Variants in ONECUT1 observed in about 807,000 individuals in gnomAD.
The protein encoded by ONECUT1 is hepatocyte nuclear factor 6.
Under a neutral mutation model 25.6 loss-of-function variants are expected in ONECUT1, and 12 were observed. That is an observed-to-expected ratio of 0.47 (90% CI 0.30 to 0.76). ONECUT1 has a LOEUF of 0.76. ONECUT1 is among the 30% of genes least tolerant of loss of function. ONECUT1 has a pLI of 0.07. For synonymous variants in ONECUT1, 285 were observed against 270.2 expected (o/e 1.05, Z -0.54); for missense variants, 620 against 651.2 (o/e 0.95, Z 0.52).
intron 1 of ONECUT1, among the ~76,000 whole-genome samples, chr15:52,775,277 T>A (rs1159082537): frequency 6.6e-6 from 1 of 151,910 alleles, no homozygotes; most frequent in Non-Finnish European, 1.5e-5. Context: ...AGAGGGGTGG[T>A]CACCCTGTAC....
chr15:52,774,915 A>G (rs2083789968), intron 1 of ONECUT1, among the ~76,000 whole-genome samples: 1 of 152,220 alleles, frequency 6.6e-6, no homozygotes, highest in Non-Finnish European at 1.5e-5. Flanking sequence ...CATCTTTCAC[A>G]CATTGAATTG....
At position 52,757,456 on chromosome 15, in the gene ONECUT1, A is replaced by G. The variant is rs138740702; in HGVS notation, c.*99T>C. 2,705 of 1,297,726 alleles carry G rather than the reference A, an allele frequency of 2.1e-3. 9 individuals are homozygous for G. Among genetic ancestry groups the G allele is most frequent in the Middle Eastern group, 5.4e-3 (27 of 5,004 alleles). The allele number at this position is 1,297,726 out of a possible 1,614,324, so 80.4% of individuals were successfully genotyped here. On this transcript the variant is annotated 3_prime_UTR_variant, in exon 2 of 2. Transcript: ENST00000305901. ...AAATAACGCTTTTTTTTCTTCAAAT[A>G]TTTCTAAGTATAAACCTGCTATCTT...
At chr15:52,762,356 G>T (rs972091782) in intron 1 of ONECUT1, among the ~76,000 whole-genome samples, 1 of 152,162 alleles carries the variant, frequency 6.6e-6, no homozygotes, top group South Asian at 2.1e-4. Context: ...ATTATATATT[G>T]CCTCTTCCTC....
intron 1 of ONECUT1, among the ~76,000 whole-genome samples, chr15:52,783,346 A>G (rs2141462581): frequency 6.6e-6 from 1 of 152,372 alleles, no homozygotes. Context: ...CGATTACCTC[A>G]GTGTGCCAGT....
intron 1 of ONECUT1, chr15:52,785,624 T>TTAA (rs1224297994): frequency 2.0e-5 from 3 of 152,234 alleles, no homozygotes; most frequent in Non-Finnish European, 4.4e-5. Context: ...TCTGGAATCT[T>TTAA]TAATTGGAAA....
rs1336482030 is a variant in ONECUT1 at position 52,790,060 on chromosome 15, CGTGTGCGTGT to C, written c.-186_-177del. ...CTCCGTGTGTGTGTGTCCGTGTGTGCGTGTGCGTGTGTGTGTGTGTGTGTGTCTCGCCTTC... is the reference window on the plus strand; with the variant it reads ...CTCCGTGTGTGTGTGTCCGTGTGTGCGTGTGTGTGTGTGTGTCTCGCCTTC... On this transcript the variant is annotated 5_prime_UTR_variant, in exon 1 of 2. Transcript: ENST00000305901. 2.1e-5 allele frequency: 20 copies of C among 960,822 alleles called. No individual in the cohort carries two copies. The African/African-American group carries it at 4.1e-4, about 20-fold the overall frequency. 59.5% of individuals were successfully genotyped at this position (960,822 alleles called of 1,614,324 possible). A position where few individuals can be genotyped will look rare whatever the true frequency, so the allele number is the denominator to read the frequency against.
At position 52,755,439 on chromosome 15, in the gene ONECUT1, T is replaced by G. The variant is rs959320843; in HGVS notation, c.*2116A>C. Among the ~76,000 whole-genome samples the G allele has an allele frequency of 6.6e-6, 1 of 152,150 alleles. No homozygotes were observed. Among genetic ancestry groups the G allele is most frequent in the Admixed American group, 6.5e-5 (1 of 15,278 alleles). ...TTTAAGCTGGAGTTGTGGGTGAAATTAAAAACAAAAAACAAAACATGTCAA... is the reference window on the plus strand; with the variant it reads ...TTTAAGCTGGAGTTGTGGGTGAAATGAAAAACAAAAAACAAAACATGTCAA... On this transcript the variant is annotated 3_prime_UTR_variant, in exon 2 of 2. Transcript: ENST00000305901.
At chr15:52,759,206 C>T (rs543489995) in intron 1 of ONECUT1, among the ~76,000 whole-genome samples, 1 of 152,304 alleles carries the variant, frequency 6.6e-6, no homozygotes, top group Admixed American at 6.5e-5. Context: ...CTGTTGCTGC[C>T]TTCCGCTTCA....
At chr15:52,778,669 G>A (rs1252716599) in intron 1 of ONECUT1, among the ~76,000 whole-genome samples, 1 of 152,216 alleles carries the variant, frequency 6.6e-6, no homozygotes, top group Non-Finnish European at 1.5e-5. Context: ...CTCCTGCCTG[G>A]ATAGGTTATT....
chr15:52,789,944 G>T lies in ONECUT1; in HGVS notation c.-60C>A. ...CGATGTGGCCAGGCAGAGGCGGCGA[G>T]GGGCGCACGGAGTCCGGTCTTCACA... On this transcript the variant is annotated 5_prime_UTR_variant, in exon 1 of 2. Coordinates refer to ENST00000305901, the MANE Select transcript of ONECUT1 (RefSeq NM_004498.4). This position sits in a 1 kb window ranked among gnomAD's most constrained non-coding sequence, Gnocchi z 4.1. 1 of 1,467,044 alleles carries T rather than the reference G, an allele frequency of 6.8e-7. No individual in the cohort carries two copies. Among genetic ancestry groups the T allele is most frequent in the Non-Finnish European group, 8.9e-7 (1 of 1,118,082 alleles). 90.9% of individuals were successfully genotyped at this position (1,467,044 alleles called of 1,614,324 possible). A position where few individuals can be genotyped will look rare whatever the true frequency, so the allele number is the denominator to read the frequency against.
intron 1 of ONECUT1, among the ~76,000 whole-genome samples, chr15:52,785,537 G>C (rs1303910048): frequency 1.3e-5 from 2 of 152,192 alleles, no homozygotes; most frequent in Admixed American, 1.3e-4. Flanking sequence ...CCCTGGGTCC[G>C]CGGTGCTGCG....
Position 52,789,956 on chromosome 15 carries a change from G to T in ONECUT1, c.-72C>A. Reference sequence around the variant, plus strand: ...GCAGAGGCGGCGAGGGGCGCACGGAGTCCGGTCTTCACATCGGCTGCTGGC... The same window carrying T: ...GCAGAGGCGGCGAGGGGCGCACGGATTCCGGTCTTCACATCGGCTGCTGGC... On this transcript the variant is annotated 5_prime_UTR_variant, in exon 1 of 2. Transcript: ENST00000305901. The surrounding 1 kb of genome is among the most constrained non-coding windows in gnomAD (Gnocchi z 4.1). The T allele has an allele frequency of 6.9e-7, 1 of 1,459,276 alleles. No homozygotes were observed. The highest frequency in any genetic ancestry group is 1.5e-5 in the African/African-American group (1 of 67,888). The allele number at this position is 1,459,276 out of a possible 1,614,324, so 90.4% of individuals were successfully genotyped here. A position where few individuals can be genotyped will look rare whatever the true frequency, so the allele number is the denominator to read the frequency against.
At chr15:52,760,667 G>A (rs1404348503) in intron 1 of ONECUT1, among the ~76,000 whole-genome samples, 1 of 152,140 alleles carries the variant, frequency 6.6e-6, no homozygotes, top group Non-Finnish European at 1.5e-5. Flanking sequence ...AGTATTAGTA[G>A]ATTGGTATTT....
chr15:52,780,140 G>A (rs979128741), intron 1 of ONECUT1, among the ~76,000 whole-genome samples: 4 of 152,096 alleles, frequency 2.6e-5, no homozygotes, highest in Admixed American at 6.5e-5. Context: ...GTTTAACAAC[G>A]TCTGCAGGCA....
rs2083860990 is a variant in ONECUT1 at position 52,784,464 on chromosome 15, C to T, written c.1105+4316G>A. Among the ~76,000 whole-genome samples, 1 of 152,314 alleles carries T rather than the reference C, an allele frequency of 6.6e-6. No homozygotes were observed. The highest frequency in any genetic ancestry group is 1.5e-5 in the Non-Finnish European group (1 of 68,020). ...GGCAGGCATCCTAGCTGCGCTGACACCAAGGTCGCCACACAATAGCCATCA... is the reference window on the plus strand; with the variant it reads ...GGCAGGCATCCTAGCTGCGCTGACATCAAGGTCGCCACACAATAGCCATCA... On this transcript the variant is annotated intron_variant, in intron 1 of 1. Transcript: ENST00000305901. The surrounding 1 kb of genome is among the most constrained non-coding windows in gnomAD (Gnocchi z 5.0).
rs1021286785 is a variant in ONECUT1, at chr15:52,755,446, A to G, written c.*2109T>C. Among the ~76,000 whole-genome samples, 1 of 152,222 alleles carries G rather than the reference A, an allele frequency of 6.6e-6. No individual in the cohort carries two copies. Among genetic ancestry groups the G allele is most frequent in the Admixed American group, 6.5e-5 (1 of 15,288 alleles). ...TGGAGTTGTGGGTGAAATTAAAAAC[A>G]AAAAACAAAACATGTCAAGGCAAAT... On this transcript the variant is annotated 3_prime_UTR_variant, in exon 2 of 2. Transcript: ENST00000305901.
At chr15:52,773,062 T>C (rs979956336) in intron 1 of ONECUT1, among the ~76,000 whole-genome samples, 26 of 152,298 alleles carry the variant, frequency 1.7e-4, no homozygotes, top group East Asian at 1.9e-4. Context: ...CAAGTGATGC[T>C]GGGGCGTGGG....
At chr15:52,774,264 T>C (rs1388610280) in intron 1 of ONECUT1, among the ~76,000 whole-genome samples, 1 of 151,200 alleles carries the variant, frequency 6.6e-6, no homozygotes, top group Non-Finnish European at 1.5e-5. Context: ...TATATAATAC[T>C]AATAATTTGC....
Position 52,757,573 on chromosome 15 carries a change from G to C in ONECUT1, c.1380C>G (p.Ser460Arg). Residue 460 changes from serine (S) to arginine (R), a missense_variant, in exon 2 of 2, where the codon AGC (serine) becomes AGG (arginine). By Grantham distance (110) the Ser-to-Arg change is moderately radical. Around this residue, in one of 4 missense-constraint regions of ONECUT1, gnomAD observed 30 missense variants for 25.1 expected, o/e 1.20. Transcript: ENST00000305901. ...TCTTCCTTCATGCTTTGGTACAAGT[G>C]CTTGATGAAGAAGATGAGTTGCCTG... is the stretch of plus-strand genomic sequence containing the variant. ...SNSGNSSSSS[S>R]TCTKA The C allele has an allele frequency of 1.2e-6, 2 of 1,613,572 alleles. No individual in the cohort carries two copies. Among genetic ancestry groups the C allele is most frequent in the Non-Finnish European group, 1.7e-6 (2 of 1,179,642 alleles).
Sources: allele counts gnomAD v4.1 joint callset (sites outside exome capture counted in the v4.1 genomes callset), GRCh38; gene constraint gnomAD v4.1.1; regional missense constraint gnomAD v4.1.1; non-coding constraint Gnocchi (gnomAD v3.1); transcripts MANE v1.5; gene names NCBI Gene and HGNC (gene_info 2026-07-23, HGNC 2026-07-21).